LRMDA: variants seen among roughly 807,000 people sequenced by gnomAD.
The protein encoded by LRMDA is leucine-rich melanocyte differentiation-associated protein.
Under a neutral mutation model 29.8 loss-of-function variants are expected in LRMDA, and 18 were observed. That is an observed-to-expected ratio of 0.60 (90% CI 0.42 to 0.90). The LOEUF is 0.90. LRMDA is among the 40% of genes least tolerant of loss of function. The probability of loss-of-function intolerance (pLI) is 0.00; values close to 1 mark genes in which losing one functional copy is unlikely to be tolerated. For missense variants in LRMDA, 273 were observed against 273.9 expected, an observed-to-expected ratio of 1.00 and a Z score of 0.02; for synonymous variants, 125 against 109.4, an observed-to-expected ratio of 1.14 and a Z score of -0.89.
rs192213290 is a variant in LRMDA at position 76,214,619 on chromosome 10, C to G, written c.517-109782C>G. ...TCGGCCTCCCAAAGTGCTGGGATTA[C>G]AGGTGTGAGCCACCGCGCCCGGCCG... On this transcript the variant is annotated intron_variant, in intron 5 of 6. Transcript: ENST00000611255. 3.4e-3 allele frequency among the ~76,000 whole-genome samples: 519 copies of G among 152,224 alleles called. 4 individuals carry two copies. Among genetic ancestry groups the G allele is most frequent in the African/African-American group, 0.012 (498 of 41,546 alleles).
chr10:75,694,151 C>T (rs1842204321), intron 2 of LRMDA, among the ~76,000 whole-genome samples: 1 of 152,192 alleles, frequency 6.6e-6, no homozygotes, highest in South Asian at 2.1e-4. Flanking sequence ...TTGCTTGGCT[C>T]AGTGTGCATG....
chr10:75,911,716 T>C (rs997739061), intron 2 of LRMDA, among the ~76,000 whole-genome samples: 1 of 152,206 alleles, frequency 6.6e-6, no homozygotes, highest in African/African-American at 2.4e-5. Flanking sequence ...CCTTATGCTG[T>C]GGCTATCTAC....
chr10:75,979,470 GC>G (rs1847128839), intron 2 of LRMDA, among the ~76,000 whole-genome samples: 1 of 152,152 alleles, frequency 6.6e-6, no homozygotes, highest in Non-Finnish European at 1.5e-5. Context: ...CATGGGGTAT[GC>G]TTTAAATATA....
chr10:76,275,698 T>C (rs1181797365), intron 5 of LRMDA, among the ~76,000 whole-genome samples: 1 of 152,130 alleles, frequency 6.6e-6, no homozygotes, highest in Non-Finnish European at 1.5e-5. Context: ...GTGTGTGTGT[T>C]GGTTTTTTGT....
At chr10:76,485,557 T>A (rs75310287) in intron 6 of LRMDA, among the ~76,000 whole-genome samples, 6,254 of 151,986 alleles carry the variant, frequency 0.041, 305 homozygotes, top group African/African-American at 0.12. Context: ...TAAAATTTTT[T>A]AAAAAATATT....
At chr10:75,795,874 C>T (rs981585515) in intron 2 of LRMDA, among the ~76,000 whole-genome samples, 1 of 152,266 alleles carries the variant, frequency 6.6e-6, no homozygotes, top group East Asian at 1.9e-4. Flanking sequence ...AAATGTATTA[C>T]ATCTTTCCAT....
intron 2 of LRMDA, among the ~76,000 whole-genome samples, chr10:75,670,267 G>A (rs1169883916): frequency 6.6e-6 from 1 of 152,196 alleles, no homozygotes; most frequent in African/African-American, 2.4e-5. Context: ...TACTTTGTAA[G>A]CTCTAAAGTG....
At chr10:76,485,777 G>A (rs1454273331) in intron 6 of LRMDA, among the ~76,000 whole-genome samples, 2 of 151,684 alleles carry the variant, frequency 1.3e-5, no homozygotes, top group Non-Finnish European at 2.9e-5. Context: ...AAATATAGAA[G>A]TACCTCTTTT....
chr10:76,040,395 C>T (rs1377407212), intron 3 of LRMDA, among the ~76,000 whole-genome samples: 8 of 152,180 alleles, frequency 5.3e-5, no homozygotes, highest in Admixed American at 5.2e-4. Flanking sequence ...CCCTTTTTCT[C>T]ATTGTGTTCA....
At chr10:75,520,446 T>C (rs560935169) in intron 2 of LRMDA, among the ~76,000 whole-genome samples, 70 of 152,330 alleles carry the variant, frequency 4.6e-4, no homozygotes, top group African/African-American at 1.6e-3. Flanking sequence ...ATCACTGATA[T>C]TTTTTCTTCC....
At chr10:76,425,891 T>C (rs1842120118) in intron 6 of LRMDA, among the ~76,000 whole-genome samples, 1 of 152,148 alleles carries the variant, frequency 6.6e-6, no homozygotes, top group African/African-American at 2.4e-5. Context: ...CTGAGAATGA[T>C]GGTTTCCAGC....
intron 2 of LRMDA, among the ~76,000 whole-genome samples, chr10:75,717,016 C>G (rs1296740949): frequency 2.0e-5 from 3 of 152,174 alleles, no homozygotes; most frequent in Non-Finnish European, 4.4e-5. Context: ...TTCTCTCTCC[C>G]CATAATATCT....
At chr10:75,436,645 A>AT (rs1244599490) in intron 1 of LRMDA, among the ~76,000 whole-genome samples, 3 of 151,758 alleles carry the variant, frequency 2.0e-5, no homozygotes, top group African/African-American at 4.8e-5. Flanking sequence ...TATTTTTTGT[A>AT]TTTTTAGTAG....
chr10:75,685,527 A>G (rs970222043), intron 2 of LRMDA, among the ~76,000 whole-genome samples: 2 of 152,190 alleles, frequency 1.3e-5, no homozygotes, highest in African/African-American at 2.4e-5. Flanking sequence ...CTGCCTATTC[A>G]TATCCATTTA....
chr10:76,165,687 G>T (rs1850726908), intron 5 of LRMDA, among the ~76,000 whole-genome samples: 1 of 152,218 alleles, frequency 6.6e-6, no homozygotes, highest in Admixed American at 6.5e-5. Context: ...CAGCAGGAGA[G>T]AGAAGAATGA....
At chr10:76,066,293 T>G (rs943895276) in intron 5 of LRMDA, among the ~76,000 whole-genome samples, 1 of 152,340 alleles carries the variant, frequency 6.6e-6, no homozygotes, top group African/African-American at 2.4e-5. Context: ...GCACAGAAAC[T>G]TCCCTGATAT....
intron 6 of LRMDA, 67 bp from the exon 7 acceptor site, chr10:76,557,142 C>A: frequency 7.8e-7 from 1 of 1,283,260 alleles, no homozygotes; most frequent in Non-Finnish European, 1.1e-6. Flanking sequence ...GTCTGCTTTT[C>A]AGCACCTGTG....
chr10:75,736,706 A>AT (rs1269442265), intron 2 of LRMDA, among the ~76,000 whole-genome samples: 1 of 152,216 alleles, frequency 6.6e-6, no homozygotes, highest in African/African-American at 2.4e-5. Flanking sequence ...AGTTTTTTAC[A>AT]TTTTAGTTAC....
At chr10:75,898,920 A>G (rs1845627696) in intron 2 of LRMDA, among the ~76,000 whole-genome samples, 1 of 152,166 alleles carries the variant, frequency 6.6e-6, no homozygotes, top group African/African-American at 2.4e-5. Flanking sequence ...AGGTGACCAG[A>G]TTTGGAAATA....
Sources: allele counts gnomAD v4.1 joint callset (sites outside exome capture counted in the v4.1 genomes callset), GRCh38; gene constraint gnomAD v4.1.1; transcripts MANE v1.5; gene names NCBI Gene and HGNC (gene_info 2026-07-23, HGNC 2026-07-21).